USP4: variants seen among roughly 807,000 people sequenced by gnomAD.
The protein encoded by USP4 is ubiquitin specific peptidase 4.
In USP4, 72 loss-of-function variants were observed where a neutral mutation model predicts 118.2. The ratio of observed to expected loss-of-function variants is 0.61; its 90% confidence interval spans 0.50 to 0.74. USP4 has a LOEUF of 0.74. Ranked by LOEUF, USP4 falls within the 30% of genes least tolerant of loss-of-function variation. The pLI is 0.00. For synonymous variants in USP4, 415 were observed against 440.4 expected, an observed-to-expected ratio of 0.94 and a Z score of 0.72; for missense variants, 1,037 against 1,185.7, an observed-to-expected ratio of 0.87 and a Z score of 1.84.
chr3:49,333,828 T>C (rs2047643497), intron 2 of USP4, among the ~76,000 whole-genome samples: 1 of 152,102 alleles, frequency 6.6e-6, no homozygotes, highest in Non-Finnish European at 1.5e-5. Flanking sequence ...AAGACCAGCC[T>C]GACCAACATG....
intron 8 of USP4, among the ~76,000 whole-genome samples, chr3:49,309,619 C>CTTTTTT (rs35128646): frequency 1.3e-4 from 10 of 79,400 alleles, no homozygotes; most frequent in East Asian, 4.2e-4. Flanking sequence ...GGCGGGACAG[C>CTTTTTT]TTTTTTTTTT....
intron 2 of USP4, among the ~76,000 whole-genome samples, chr3:49,331,961 C>T (rs1318634149): frequency 1.4e-5 from 2 of 141,312 alleles, no homozygotes; most frequent in Non-Finnish European, 3.1e-5. Context: ...GGCAAAATCC[C>T]ATCTCTACAA....
chr3:49,337,024 C>T (rs1317195952), intron 1 of USP4, among the ~76,000 whole-genome samples: 2 of 152,006 alleles, frequency 1.3e-5, no homozygotes, highest in African/African-American at 2.4e-5. Flanking sequence ...GTGGCTCACA[C>T]CTGTAATCCC....
At chr3:49,309,619 CTTTTTTT>C (rs35128646) in intron 8 of USP4, among the ~76,000 whole-genome samples, 3 of 79,398 alleles carry the variant, frequency 3.8e-5, no homozygotes, top group Admixed American at 1.9e-4. Flanking sequence ...GGCGGGACAG[CTTTTTTT>C]TTTTTTTTTT....
chr3:49,292,345 C>T (rs2047160150), intron 15 of USP4, among the ~76,000 whole-genome samples, 165 bp downstream of exon 15: 1 of 151,642 alleles, frequency 6.6e-6, no homozygotes, highest in Non-Finnish European at 1.5e-5. Flanking sequence ...ACAACAGGCA[C>T]TGGCAGAGTA....
intron 6 of USP4, among the ~76,000 whole-genome samples, chr3:49,320,591 C>A (rs1389834427): frequency 6.6e-6 from 1 of 152,204 alleles, no homozygotes; most frequent in Non-Finnish European, 1.5e-5. Flanking sequence ...GGACTATAGG[C>A]ACATACCACT....
chr3:49,314,686 T>A (rs562528948), intron 6 of USP4, among the ~76,000 whole-genome samples: 1 of 152,160 alleles, frequency 6.6e-6, no homozygotes, highest in East Asian at 1.9e-4. Context: ...ACTCCTCTTC[T>A]CAGTAACTAT....
At chr3:49,283,229 T>C (rs1170735573) in intron 19 of USP4, among the ~76,000 whole-genome samples, 2 of 150,560 alleles carry the variant, frequency 1.3e-5, no homozygotes, top group South Asian at 2.1e-4. Flanking sequence ...TTGGCCAGGA[T>C]GGTCTCGATC....
chr3:49,280,035 G>A (rs1448641790), intron 20 of USP4, among the ~76,000 whole-genome samples: 1 of 152,134 alleles, frequency 6.6e-6, no homozygotes, highest in Admixed American at 6.5e-5. Context: ...GCCAAGGCAG[G>A]GTGGTTCGCT....
chr3:49,337,775 C>T (rs1458676887), intron 1 of USP4, among the ~76,000 whole-genome samples: 4 of 150,766 alleles, frequency 2.7e-5, no homozygotes, highest in Non-Finnish European at 4.4e-5. Flanking sequence ...TGGCCGGGAG[C>T]GGTGGCTCAC....
In USP4 at chr3:49,280,781, G is replaced by C. The variant is rs749953171; in HGVS notation, c.2607C>G (p.Ala869=). The C allele has an allele frequency of 1.2e-6, 2 of 1,613,958 alleles. No homozygotes were observed. The highest frequency in any genetic ancestry group is 2.2e-5 in the East Asian group (1 of 44,890). Reference sequence around the variant, plus strand: ...CCATGGCTCCATAATGATTGGACACGGCAATGAGGTCGTACACATAAGGCC... The same window carrying C: ...CCATGGCTCCATAATGATTGGACACCGCAATGAGGTCGTACACATAAGGCC... ...SARPYVYDLI[A]VSNHYGAMGV... The change falls in exon 20 of 22, where the codon GCC becomes GCG. Residue 869 remains alanine, a synonymous_variant. Transcript: ENST00000265560.
At chr3:49,289,267 T>C (rs556663525) in intron 15 of USP4, among the ~76,000 whole-genome samples, 23 of 152,298 alleles carry the variant, frequency 1.5e-4, no homozygotes, top group East Asian at 1.3e-3. Flanking sequence ...TTGTTACTGA[T>C]TGAGTGCCTT....
chr3:49,310,054 T>TTC (rs2047368223), intron 8 of USP4, among the ~76,000 whole-genome samples: 1 of 146,042 alleles, frequency 6.8e-6, no homozygotes, highest in Non-Finnish European at 1.5e-5. Context: ...GTTCAAGTGA[T>TTC]TCTCCTGCCT....
At position 49,277,215 on chromosome 3, in the gene USP4, C is replaced by A. The variant is rs1172696521; in HGVS notation, c.*1078G>T. On this transcript the variant is annotated 3_prime_UTR_variant, in exon 22 of 22. Transcript: ENST00000265560. ...AGCGCAGTGACGCCGACCCATCCAA[C>A]GGTCATCGCATGCGCGTGCCCCGCG... is the stretch of plus-strand genomic sequence containing the variant. 7.5e-7 allele frequency: 1 copy of A among 1,331,504 alleles called. No individual in the cohort carries two copies. The highest frequency in any genetic ancestry group is 9.8e-7 in the Non-Finnish European group (1 of 1,016,452). 82.5% of individuals were successfully genotyped at this position (1,331,504 alleles called of 1,614,324 possible).
At chr3:49,320,281 A>G (rs1377011489) in intron 6 of USP4, among the ~76,000 whole-genome samples, 1 of 152,106 alleles carries the variant, frequency 6.6e-6, no homozygotes, top group Admixed American at 6.6e-5. Context: ...TGTCTCTACT[A>G]AAAATACAAA....
chr3:49,286,910 C>T (rs1425447661), intron 15 of USP4, among the ~76,000 whole-genome samples: 1 of 151,970 alleles, frequency 6.6e-6, no homozygotes, highest in Non-Finnish European at 1.5e-5. Flanking sequence ...AGTGCAATGG[C>T]ACGATCTCGG....
At chr3:49,335,423 C>T in intron 2 of USP4, 46 bp downstream of exon 2, 1 of 1,613,414 alleles carries the variant, frequency 6.2e-7, no homozygotes, top group Non-Finnish European at 8.5e-7. Context: ...AACATCAGGC[C>T]ACTGCCCAGG....
chr3:49,286,811 AGCCAC>A (rs1439749365), intron 15 of USP4, among the ~76,000 whole-genome samples: 1 of 127,984 alleles, frequency 7.8e-6, no homozygotes, highest in Admixed American at 8.5e-5. Flanking sequence ...GTCTCACTCT[AGCCAC>A]TCTATCTATC....
intron 11 of USP4, 40 bp from the exon 12 acceptor site, chr3:49,298,675 C>G (rs764058253): frequency 3.1e-5 from 49 of 1,588,214 alleles, no homozygotes; most frequent in Non-Finnish European, 3.5e-5. Context: ...GGGTGCCCCA[C>G]AAAGGGTGCG....
Sources: gnomAD v4.1 joint callset for allele counts (sites outside exome capture counted in the v4.1 genomes callset) on GRCh38, gnomAD v4.1.1 for gene constraint, MANE v1.5 for transcripts, NCBI Gene and HGNC (gene_info 2026-07-23, HGNC 2026-07-21) for gene names.